Variants in DPH6 observed in about 807,000 individuals in gnomAD.
DPH6 encodes diphthamine biosynthesis 6, also known as diphthine--ammonia ligase.
Under a neutral mutation model 38.2 loss-of-function variants are expected in DPH6, and 33 were observed. That is an observed-to-expected ratio of 0.86 (90% CI 0.65 to 1.15). DPH6 has a LOEUF of 1.15. Ranked by LOEUF, DPH6 falls within the 50% of genes most tolerant of loss-of-function variation. The pLI is 0.00. For synonymous variants in DPH6, 108 were observed against 103.0 expected, an observed-to-expected ratio of 1.05 and a Z score of -0.30; for missense variants, 325 against 320.0, an observed-to-expected ratio of 1.02 and a Z score of -0.12.
chr15:35,405,724 C>T (rs2053283222), intron 6 of DPH6, among the ~76,000 whole-genome samples: 1 of 152,026 alleles, frequency 6.6e-6, no homozygotes, highest in Admixed American at 6.6e-5. Context: ...GCTAAGACTT[C>T]CAGTACTATG....
At chr15:35,458,458 C>A (rs2054023680) in intron 3 of DPH6, among the ~76,000 whole-genome samples, 1 of 138,376 alleles carries the variant, frequency 7.2e-6, no homozygotes, top group African/African-American at 3.5e-5. Context: ...AACGCAACTA[C>A]AAATAAAGGG....
the DPH6 span, among the ~76,000 whole-genome samples, chr15:35,193,806 C>T: frequency 5.6e-4 from 85 of 152,094 alleles, no homozygotes; most frequent in African/African-American, 2.0e-3. Context: ...CAATATGTGA[C>T]TGAGACAATG....
At chr15:35,193,316 G>A in the DPH6 span, among the ~76,000 whole-genome samples, 3 of 151,952 alleles carry the variant, frequency 2.0e-5, no homozygotes, top group Admixed American at 6.6e-5. Context: ...AAAAGAATGG[G>A]AGTTTTTCAT....
chr15:35,197,011 T>C, the DPH6 span, among the ~76,000 whole-genome samples: 8 of 152,204 alleles, frequency 5.3e-5, no homozygotes, highest in African/African-American at 2.4e-5. Flanking sequence ...TTAAATTGCA[T>C]TGGACTTTCA....
At chr15:35,176,208 G>A in the DPH6 span, among the ~76,000 whole-genome samples, 1 of 152,182 alleles carries the variant, frequency 6.6e-6, no homozygotes, top group Non-Finnish European at 1.5e-5. Flanking sequence ...ATAGTGTTGT[G>A]ATGGAGCTGC....
intron 3 of DPH6, among the ~76,000 whole-genome samples, chr15:35,537,584 T>G (rs775437926): frequency 2.0e-5 from 3 of 152,074 alleles, no homozygotes; most frequent in African/African-American, 7.2e-5. Flanking sequence ...CTCCTAGAAA[T>G]TAATCAGTGC....
chr15:35,298,271 G>A, intron 3 of DPH6: 1 of 560,418 alleles, frequency 1.8e-6, no homozygotes, highest in Non-Finnish European at 3.6e-6. Flanking sequence ...CCAAATCCAA[G>A]ATACTGAATT....
rs143254661 is a variant in DPH6 at position 35,398,555 on chromosome 15, G to C, written c.567+12280C>G. On this transcript the variant is annotated intron_variant, in intron 6 of 8. Transcript: ENST00000256538. ...AGAGACAGCCTGGAAGCTCTGTGCC[G>C]CCTTCCTACATACATTGCCCTATGC... 2.6e-5 allele frequency among the ~76,000 whole-genome samples: 4 copies of C among 152,252 alleles called. No individual in the cohort carries two copies. In the South Asian group the frequency reaches 8.3e-4, roughly 32 times the overall value.
intron 3 of DPH6, among the ~76,000 whole-genome samples, chr15:35,226,040 C>T (rs1256531665): frequency 1.3e-5 from 2 of 152,104 alleles, no homozygotes; most frequent in African/African-American, 2.4e-5. Flanking sequence ...TGAGTCCAGG[C>T]TTCTGAAGCC....
the DPH6 span, among the ~76,000 whole-genome samples, chr15:35,186,054 C>T: frequency 1.3e-5 from 2 of 152,002 alleles, 1 homozygote; most frequent in South Asian, 4.1e-4. Context: ...TCATTTTATA[C>T]AAAGGAAACA....
the DPH6 span, among the ~76,000 whole-genome samples, chr15:35,211,123 A>C: frequency 6.6e-6 from 1 of 151,940 alleles, no homozygotes; most frequent in Non-Finnish European, 1.5e-5. Flanking sequence ...TTTTCATAAA[A>C]ATTCTGTGAT....
chr15:35,486,086 C>G (rs1464693036), intron 3 of DPH6, among the ~76,000 whole-genome samples: 1 of 152,208 alleles, frequency 6.6e-6, no homozygotes, highest in Admixed American at 6.5e-5. Context: ...AATTGACTCA[C>G]AGTTCCACTT....
chr15:35,239,903 C>T lies in DPH6; in HGVS notation n.201-19321G>A, dbSNP rs527512846. ...TCTGTGCCCCAATCCCTTATTTCCGCGCCCTAACCTCTTATCTCTGTGCCC... is the reference window on the plus strand; with the variant it reads ...TCTGTGCCCCAATCCCTTATTTCCGTGCCCTAACCTCTTATCTCTGTGCCC... On this transcript the variant is annotated intron_variant and non_coding_transcript_variant, in intron 3 of 3. Transcript: ENST00000560386. Among the ~76,000 whole-genome samples, 88 of 141,448 alleles carry T rather than the reference C, an allele frequency of 6.2e-4. 11 individuals are homozygous for T. Among genetic ancestry groups the T allele is most frequent in the South Asian group, 1.3e-3 (5 of 3,950 alleles). The allele number at this position is 141,448 out of a possible 152,430, so 92.8% of individuals were successfully genotyped here.
rs1245559072 is a variant in DPH6, at chr15:35,299,486, G to GGCGGTGTC, written n.200+74034_200+74035insGACACCGC. ...GGCCCGCCCGCCGACTCTGCCCATG[G>GGCGGTGTC]GCCGCGGTGGCGGCAGCGCGGAGCC... On this transcript the variant is annotated intron_variant and non_coding_transcript_variant, in intron 3 of 3. Coordinates refer to the DPH6 transcript ENST00000560386. The GGCGGTGTC allele has an allele frequency of 5.3e-6, 4 of 748,234 alleles. No individual in the cohort carries two copies. The Admixed American group carries it at 7.0e-5, about 13-fold the overall frequency. The allele number at this position is 748,234 out of a possible 1,614,324, so 46.3% of individuals were successfully genotyped here.
intron 6 of DPH6, among the ~76,000 whole-genome samples, chr15:35,395,791 T>A (rs1259583544): frequency 6.6e-6 from 1 of 152,190 alleles, no homozygotes; most frequent in East Asian, 1.9e-4. Context: ...ATACTCTACA[T>A]TCCATGGAAA....
In DPH6 at chr15:35,271,140, CT is replaced by C. The variant is rs553000690; in HGVS notation, n.201-50559del. Among the ~76,000 whole-genome samples, 747 of 152,346 alleles carry C rather than the reference CT, an allele frequency of 4.9e-3. 3 individuals carry two copies. The highest frequency in any genetic ancestry group is 8.6e-3 in the Non-Finnish European group (583 of 68,024). ...CAAAAGGATTAGTTCAGCCAAACTTCTTTCACAGTGTGTAACTAACACTTAT... is the reference window on the plus strand; with the variant it reads ...CAAAAGGATTAGTTCAGCCAAACTTCTTCACAGTGTGTAACTAACACTTAT... On this transcript the variant is annotated intron_variant and non_coding_transcript_variant, in intron 3 of 3. Transcript: ENST00000560386.
chr15:35,533,633 A>C (rs958026765), intron 3 of DPH6, among the ~76,000 whole-genome samples: 2 of 151,522 alleles, frequency 1.3e-5, no homozygotes, highest in African/African-American at 4.8e-5. Context: ...GATTGCTGTC[A>C]ATAATAAAAA....
the DPH6 span, chr15:35,181,966 A>C: frequency 6.6e-6 from 1 of 151,408 alleles, no homozygotes; most frequent in Non-Finnish European, 1.5e-5. Context: ...GATTAGTAAA[A>C]TGATTGTCTT....
At chr15:35,505,737 T>C (rs1455757855) in intron 3 of DPH6, among the ~76,000 whole-genome samples, 1 of 152,124 alleles carries the variant, frequency 6.6e-6, no homozygotes, top group Admixed American at 6.6e-5. Context: ...ACATTAATAT[T>C]GCTGTTGTAG....
Sources: allele counts gnomAD v4.1 joint callset (sites outside exome capture counted in the v4.1 genomes callset), GRCh38; gene constraint gnomAD v4.1.1; transcripts MANE v1.5; gene names NCBI Gene and HGNC (gene_info 2026-07-23, HGNC 2026-07-21).